The following IGLL5 variants were observed in gnomAD, a reference collection of about 807,000 sequenced individuals.
The protein encoded by IGLL5 is immunoglobulin lambda like polypeptide 5.
Under a neutral mutation model 20.9 loss-of-function variants are expected in IGLL5, and 30 were observed. The ratio of observed to expected loss-of-function variants is 1.44; its 90% CI spans 1.07 to 1.95. The LOEUF is 1.95. Among genes scored for constraint, IGLL5 ranks in the 30% most tolerant of loss-of-function variants. IGLL5 has a pLI of 0.00. For synonymous variants in IGLL5, 203 were observed against 117.3 expected, an observed-to-expected ratio of 1.73 and a Z score of -4.72; for missense variants, 475 against 270.7, an observed-to-expected ratio of 1.75 and a Z score of -5.30.
At position 22,895,703 on chromosome 22, in the gene IGLL5, C is replaced by T. The variant is rs769160070; in HGVS notation, c.*9C>T. The T allele has an allele frequency of 1.2e-6, 2 of 1,612,914 alleles. No individual in the cohort carries two copies. Among genetic ancestry groups the T allele is most frequent in the Middle Eastern group, 1.7e-4 (1 of 6,018 alleles). ...CTACAGAATGTTCATAGGTTCCCAA[C>T]TCTAACCCCACCCACGGGAGCCTGG... On this transcript the variant is annotated 3_prime_UTR_variant, in exon 3 of 3. Transcript: ENST00000526893.
chr22:22,891,236 T>G (rs879314915), intron 1 of IGLL5, among the ~76,000 whole-genome samples: 1 of 151,270 alleles, frequency 6.6e-6, no homozygotes, highest in Admixed American at 6.6e-5. Context: ...TTTATTTTTT[T>G]TTCTTTACTT....
chr22:22,894,411 G>C (rs755947800), intron 2 of IGLL5, among the ~76,000 whole-genome samples: 3 of 151,452 alleles, frequency 2.0e-5, no homozygotes, highest in East Asian at 4.0e-4. Flanking sequence ...GGACACAGAG[G>C]GACGGGTGAG....
chr22:22,888,717 TC>T (rs1046463827), intron 1 of IGLL5, among the ~76,000 whole-genome samples: 15 of 151,138 alleles, frequency 9.9e-5, no homozygotes, highest in Non-Finnish European at 2.2e-4. Context: ...TGGTTTGGTC[TC>T]CCCCAAGGCT....
intron 1 of IGLL5, among the ~76,000 whole-genome samples, chr22:22,889,946 A>T (rs2146001702): frequency 6.6e-6 from 1 of 151,304 alleles, no homozygotes; most frequent in African/African-American, 2.4e-5. Flanking sequence ...GTCAGAAAAT[A>T]TAGAAAAATG....
intron 1 of IGLL5, among the ~76,000 whole-genome samples, chr22:22,890,529 G>A (rs1285309858): frequency 7.7e-6 from 1 of 129,660 alleles, no homozygotes; most frequent in Non-Finnish European, 1.6e-5. Flanking sequence ...AAATCTAAAT[G>A]ACAAATGATG....
Position 22,888,243 on chromosome 22 carries a change from C to G in IGLL5, c.190C>G (p.Arg64Gly), listed in dbSNP as rs144275260. The change falls in exon 1 of 3, where the codon CGG becomes GGG. Residue 64 changes from arginine (R) to glycine (G), a missense_variant. Physicochemically the swap from Arg to Gly is moderately radical, Grantham distance 125 (BLOSUM62 -2). Transcript: ENST00000526893. ...AGTTGGAAGCAGCCGATCCAGCCTGCGGAGCCTGTGGGGCAGGTAAGGGGC... is the reference window on the plus strand; with the variant it reads ...AGTTGGAAGCAGCCGATCCAGCCTGGGGAGCCTGTGGGGCAGGTAAGGGGC... Reference protein sequence around the residue: ...ASVGSSRSSLRSLWGRLLLQP... With the variant: ...ASVGSSRSSLGSLWGRLLLQP... The G allele has an allele frequency of 1.3e-6, 2 of 1,547,746 alleles. No individual in the cohort carries two copies. The highest frequency in any genetic ancestry group is 1.7e-6 in the Non-Finnish European group (2 of 1,146,436).
At chr22:22,889,621 T>A (rs2067739845) in intron 1 of IGLL5, among the ~76,000 whole-genome samples, 1 of 151,366 alleles carries the variant, frequency 6.6e-6, no homozygotes, top group African/African-American at 2.4e-5. Flanking sequence ...ACAGTCTTGA[T>A]CTGTTGCTCA....
chr22:22,888,856 A>T (rs182926887), intron 1 of IGLL5, among the ~76,000 whole-genome samples: 4 of 151,384 alleles, frequency 2.6e-5, no homozygotes, highest in South Asian at 2.1e-4. Flanking sequence ...GGAGCAATAA[A>T]GGGAGAGGGG....
chr22:22,889,555 A>T (rs2067732741), intron 1 of IGLL5, among the ~76,000 whole-genome samples: 2 of 151,244 alleles, frequency 1.3e-5, no homozygotes, highest in Admixed American at 6.6e-5. Flanking sequence ...ATCTACCAGA[A>T]AGGGTGTGAA....
chr22:22,889,048 C>A (rs1329207632), intron 1 of IGLL5, among the ~76,000 whole-genome samples: 1 of 151,254 alleles, frequency 6.6e-6, no homozygotes, highest in Non-Finnish European at 1.5e-5. Flanking sequence ...CATTCCCAGT[C>A]CAGGACGAGT....
intron 2 of IGLL5, among the ~76,000 whole-genome samples, chr22:22,894,044 G>C (rs748909410): frequency 5.3e-5 from 8 of 150,942 alleles, no homozygotes; most frequent in Admixed American, 3.3e-4. Context: ...GCCTGAGCTG[G>C]GATTGGGCAG....
intron 2 of IGLL5, among the ~76,000 whole-genome samples, chr22:22,894,806 T>A (rs550864281): frequency 4.2e-4 from 64 of 151,276 alleles, no homozygotes; most frequent in Non-Finnish European, 5.3e-4. Flanking sequence ...GAGGCTTGTC[T>A]AGGTGGAGCC....
At chr22:22,894,358 T>C (rs1212026958) in intron 2 of IGLL5, among the ~76,000 whole-genome samples, 6 of 151,390 alleles carry the variant, frequency 4.0e-5, no homozygotes, top group South Asian at 2.1e-4. Flanking sequence ...GCTCTGGGTC[T>C]AGGCTGCAGC....
At chr22:22,894,120 G>A (rs1601623790) in intron 2 of IGLL5, among the ~76,000 whole-genome samples, 1 of 151,430 alleles carries the variant, frequency 6.6e-6, no homozygotes, top group African/African-American at 2.4e-5. Flanking sequence ...GTTCTGATGA[G>A]GGGCCCTGCA....
chr22:22,888,700 A>C (rs139785926), intron 1 of IGLL5, among the ~76,000 whole-genome samples: 2 of 151,276 alleles, frequency 1.3e-5, no homozygotes, highest in East Asian at 4.1e-4. Context: ...AGAAGGCAGC[A>C]AGGGCTTGGT....
intron 2 of IGLL5, 102 bp downstream of exon 2, chr22:22,893,920 TAAGC>T: frequency 1.2e-6 from 1 of 843,242 alleles, no homozygotes; most frequent in African/African-American, 1.7e-5. Context: ...CTCCCAGCCT[TAAGC>T]ACTGACCCTT....
chr22:22,890,407 A>C (rs2067796950), intron 1 of IGLL5, among the ~76,000 whole-genome samples: 1 of 149,750 alleles, frequency 6.7e-6, no homozygotes, highest in Admixed American at 6.7e-5. Flanking sequence ...ACCAACTTTT[A>C]ATCTATTATT....
chr22:22,893,828 T>G lies in IGLL5; in HGVS notation c.325+10T>G, dbSNP rs1296694070. 1 of 1,550,260 alleles carries G rather than the reference T, an allele frequency of 6.5e-7. No homozygotes were observed. The highest frequency in any genetic ancestry group is 1.7e-5 in the Admixed American group (1 of 59,736). ...AAGGTCACCGTCCTAGGTAAGTGGC[T>G]CTCAACCTTTCCCAGCCTGTCTCAC... On this transcript the variant is annotated intron_variant, in intron 2 of 2. Transcript: ENST00000526893.
chr22:22,888,357 T>A (rs1445749181), intron 1 of IGLL5, 98 bp downstream of exon 1: 5 of 1,158,792 alleles, frequency 4.3e-6, no homozygotes, highest in African/African-American at 3.1e-5. Flanking sequence ...GGAGGAAGGT[T>A]AACCCCTAAG....
Sources: allele counts gnomAD v4.1 joint callset (sites outside exome capture counted in the v4.1 genomes callset), GRCh38; gene constraint gnomAD v4.1.1; transcripts MANE v1.5; gene names NCBI Gene and HGNC (gene_info 2026-07-23, HGNC 2026-07-21).